The following GUCY2C variants were observed in gnomAD, a reference collection of about 807,000 sequenced individuals.
The protein encoded by GUCY2C is guanylate cyclase 2C.
Under a neutral mutation model 131.1 loss-of-function variants are expected in GUCY2C, and 118 were observed. The observed-to-expected ratio is 0.90, with a 90% CI of 0.78 to 1.05. The LOEUF (loss-of-function observed/expected upper bound fraction) is 1.05. Among genes scored for constraint, GUCY2C ranks in the 50% least tolerant of loss-of-function variants. The pLI, the probability that GUCY2C is intolerant of heterozygous loss-of-function variation, is 0.00. For synonymous variants in GUCY2C, 452 were observed against 457.8 expected (o/e 0.99, Z 0.16); for missense variants, 1,161 against 1,304.4 (o/e 0.89, Z 1.69).
At chr12:14,676,791 CT>C in intron 7 of GUCY2C, 62 bp downstream of exon 7, 1 of 475,146 alleles carries the variant, frequency 2.1e-6, no homozygotes, top group Non-Finnish European at 3.3e-6. Flanking sequence ...GAAAAATTAT[CT>C]TACCCTTGAC....
chr12:14,675,498 A>C (rs1018327850), intron 7 of GUCY2C, among the ~76,000 whole-genome samples: 1 of 152,176 alleles, frequency 6.6e-6, no homozygotes, highest in African/African-American at 2.4e-5. Flanking sequence ...AAACCCAAAA[A>C]TCAAAAACCA....
At chr12:14,654,348 C>T (rs1052024953) in intron 12 of GUCY2C, among the ~76,000 whole-genome samples, 2 of 152,146 alleles carry the variant, frequency 1.3e-5, no homozygotes, top group African/African-American at 4.8e-5. Flanking sequence ...CCCTTGCTGA[C>T]TTCGGGTGAC....
chr12:14,693,550 A>T (rs1310029273), intron 1 of GUCY2C, among the ~76,000 whole-genome samples: 1 of 152,222 alleles, frequency 6.6e-6, no homozygotes, highest in Non-Finnish European at 1.5e-5. Flanking sequence ...TAACCCTGAG[A>T]TATATTGTCT....
intron 3 of GUCY2C, 126 bp from the exon 4 acceptor site, chr12:14,683,383 C>T (rs1269461585): frequency 1.6e-6 from 1 of 643,398 alleles, no homozygotes; most frequent in Non-Finnish European, 2.7e-6. Flanking sequence ...ATCATTAAAG[C>T]AGGTTTCTCA....
chr12:14,653,254 C>G (rs1243458194), intron 12 of GUCY2C, among the ~76,000 whole-genome samples: 1 of 152,192 alleles, frequency 6.6e-6, no homozygotes, highest in East Asian at 1.9e-4. Flanking sequence ...CTCCCTTCCT[C>G]TTGTGGCCCT....
At chr12:14,638,604 G>A (rs1947327137) in intron 19 of GUCY2C, among the ~76,000 whole-genome samples, 1 of 152,164 alleles carries the variant, frequency 6.6e-6, no homozygotes, top group South Asian at 2.1e-4. Context: ...TAAAGTGAAA[G>A]GCACAGAAAG....
At chr12:14,630,848 A>C (rs148160394) in intron 19 of GUCY2C, among the ~76,000 whole-genome samples, 352 of 152,324 alleles carry the variant, frequency 2.3e-3, no homozygotes, top group African/African-American at 8.2e-3. Flanking sequence ...CCAACTACAC[A>C]AATGAATTAA....
At chr12:14,655,049 AC>A (rs1183835923) in intron 12 of GUCY2C, among the ~76,000 whole-genome samples, 1 of 152,208 alleles carries the variant, frequency 6.6e-6, no homozygotes, top group East Asian at 1.9e-4. Flanking sequence ...CCTAGCTGTA[AC>A]CAATCAAGTT....
At chr12:14,662,624 C>T (rs1454706911) in intron 10 of GUCY2C, among the ~76,000 whole-genome samples, 1 of 138,000 alleles carries the variant, frequency 7.2e-6, no homozygotes, top group Admixed American at 7.8e-5. Context: ...TGTAGTGAGC[C>T]AAGATTGCAC....
At chr12:14,616,537 G>A in intron 25 of GUCY2C, 96 bp downstream of exon 25, 1 of 778,874 alleles carries the variant, frequency 1.3e-6, no homozygotes, top group Non-Finnish European at 2.4e-6. Flanking sequence ...TACAGAAGAG[G>A]ATTAGCATGC....
At chr12:14,629,230 C>T (rs577391843) in intron 19 of GUCY2C, among the ~76,000 whole-genome samples, 10 of 152,198 alleles carry the variant, frequency 6.6e-5, no homozygotes, top group African/African-American at 2.4e-4. Flanking sequence ...TTCTTCTTAA[C>T]CGGACCCATT....
chr12:14,691,180 G>A (rs1948568971), intron 1 of GUCY2C, among the ~76,000 whole-genome samples: 2 of 152,082 alleles, frequency 1.3e-5, no homozygotes, highest in African/African-American at 4.8e-5. Flanking sequence ...TTTTAAGTTC[G>A]AAAACACTGA....
At chr12:14,629,447 G>T (rs1412228874) in intron 19 of GUCY2C, among the ~76,000 whole-genome samples, 3 of 152,154 alleles carry the variant, frequency 2.0e-5, no homozygotes, top group Non-Finnish European at 2.9e-5. Flanking sequence ...GACCTTAGTT[G>T]TAGATTAAAA....
intron 20 of GUCY2C, among the ~76,000 whole-genome samples, chr12:14,627,327 T>C (rs958723598): frequency 4.6e-5 from 7 of 152,296 alleles, no homozygotes; most frequent in Non-Finnish European, 8.8e-5. Context: ...CCGAGACCTA[T>C]GTGACTGAAA....
chr12:14,652,163 A>ATATTCATT, intron 13 of GUCY2C, 133 bp from the exon 14 acceptor site: 1 of 206,296 alleles, frequency 4.8e-6, no homozygotes, highest in Non-Finnish European at 9.4e-6. Context: ...TTGATTTTTT[A>ATATTCATT]TATTTATTTA....
Position 14,651,558 on chromosome 12 carries a change from G to A in GUCY2C, c.1606-47C>T, listed in dbSNP as rs767621244. The A allele has an allele frequency of 2.0e-5, 19 of 966,030 alleles. No individual in the cohort carries two copies. In the South Asian group the frequency reaches 2.0e-4, roughly 10 times the overall value. The allele number at this position is 966,030 out of a possible 1,614,324, so 59.8% of individuals were successfully genotyped here. On this transcript the variant is annotated intron_variant, in intron 14 of 26. Coordinates refer to ENST00000261170, the MANE Select transcript of GUCY2C (RefSeq NM_004963.4). The stretch of plus-strand genomic sequence containing the variant: ...CAAAGCAAATTAGGCAGAATGGGGT[G>A]CCAAAGTAAAAATTAATATGCCAAT...
rs911781818 is a variant in GUCY2C at position 14,660,977 on chromosome 12, G to A, written c.1364+4C>T. On this transcript the variant is annotated splice_donor_region_variant and intron_variant, in intron 11 of 26. Transcript: ENST00000261170. ...GAACACAGGCATGATAGAGGCGGCTGTACCTGAGCATCAGGAGAGCGACGA... is the reference window on the plus strand; with the variant it reads ...GAACACAGGCATGATAGAGGCGGCTATACCTGAGCATCAGGAGAGCGACGA... 6.9e-6 allele frequency: 11 copies of A among 1,598,368 alleles called. No homozygotes were observed. The highest frequency in any genetic ancestry group is 9.4e-6 in the Non-Finnish European group (11 of 1,165,704).
chr12:14,677,734 C>A (rs768651140), intron 6 of GUCY2C, among the ~76,000 whole-genome samples: 2,841 of 30,620 alleles, frequency 0.093, 43 homozygotes, highest in Admixed American at 0.15. Flanking sequence ...CCACGCCCAG[C>A]TATTTTTTTT....
intron 24 of GUCY2C, among the ~76,000 whole-genome samples, chr12:14,616,991 C>T (rs1946777333): frequency 2.0e-5 from 3 of 152,174 alleles, no homozygotes; most frequent in African/African-American, 7.2e-5. Context: ...GTCTGGGTCA[C>T]AGGGGTGGAT....
Sources: allele counts gnomAD v4.1 joint callset (sites outside exome capture counted in the v4.1 genomes callset), GRCh38; gene constraint gnomAD v4.1.1; transcripts MANE v1.5; gene names NCBI Gene and HGNC (gene_info 2026-07-23, HGNC 2026-07-21).